ADGRL4: variants seen among roughly 807,000 people sequenced by gnomAD.
ADGRL4 encodes the protein adhesion G protein-coupled receptor L4, also known as EGF, latrophilin and seven transmembrane domain containing 1.
A neutral mutation model predicts 74.8 loss-of-function variants in ADGRL4; 90 were observed. That is an observed-to-expected ratio of 1.20 (90% CI 1.02 to 1.43). ADGRL4 has a LOEUF of 1.43. Among genes scored for constraint, ADGRL4 ranks in the 40% most tolerant of loss-of-function variants. The pLI is 0.00. For missense variants in ADGRL4, 881 were observed against 814.3 expected (o/e 1.08, Z -1.00); for synonymous variants, 311 against 279.2 (o/e 1.11, Z -1.14).
intron 2 of ADGRL4, among the ~76,000 whole-genome samples, chr1:78,956,787 A>G (rs1169080146): frequency 2.0e-5 from 3 of 152,318 alleles, no homozygotes; most frequent in Middle Eastern, 3.4e-3. Context: ...AAGAAAAAGA[A>G]GTCAAAATGG....
Position 78,920,169 on chromosome 1 carries a change from G to A in ADGRL4, c.1461+14C>T, listed in dbSNP as rs1394760305. ...TATCATAGGACAAAAATAGAGATTAGGATGCCTACATACCTTATTAGTATT... is the reference window on the plus strand; with the variant it reads ...TATCATAGGACAAAAATAGAGATTAAGATGCCTACATACCTTATTAGTATT... On this transcript the variant is annotated intron_variant, in intron 10 of 14. Coordinates refer to ENST00000370742, the MANE Select transcript of ADGRL4 (RefSeq NM_022159.4). 6.3e-7 allele frequency: 1 copy of A among 1,588,152 alleles called. No homozygotes were observed. The highest frequency in any genetic ancestry group is 2.3e-5 in the East Asian group (1 of 44,420).
At chr1:78,976,127 G>T (rs1650275400) in intron 2 of ADGRL4, among the ~76,000 whole-genome samples, 1 of 151,886 alleles carries the variant, frequency 6.6e-6, no homozygotes. Context: ...AGTCCCAGAA[G>T]AACAAGGTGA....
chr1:78,955,343 T>C (rs1456859100), intron 2 of ADGRL4, among the ~76,000 whole-genome samples: 1 of 152,130 alleles, frequency 6.6e-6, no homozygotes, highest in Non-Finnish European at 1.5e-5. Context: ...CTCTCACTGA[T>C]ATGACATAAA....
At chr1:78,995,068 C>T (rs994216135) in intron 2 of ADGRL4, among the ~76,000 whole-genome samples, 4 of 152,138 alleles carry the variant, frequency 2.6e-5, no homozygotes, top group Non-Finnish European at 5.9e-5. Flanking sequence ...CCTCCTGTCC[C>T]TTAAATGGAT....
chr1:78,935,459 C>G (rs1485955301), intron 7 of ADGRL4, among the ~76,000 whole-genome samples: 1 of 151,572 alleles, frequency 6.6e-6, no homozygotes, highest in East Asian at 2.0e-4. Flanking sequence ...CTGAGGCAAA[C>G]CACCATGGCT....
intron 7 of ADGRL4, among the ~76,000 whole-genome samples, chr1:78,929,299 T>A (rs888204300): frequency 1.3e-5 from 2 of 151,296 alleles, no homozygotes; most frequent in Non-Finnish European, 2.9e-5. Flanking sequence ...GAGGATCACT[T>A]GAGGCAGGAG....
chr1:78,905,775 T>C (rs1570216316), intron 12 of ADGRL4, among the ~76,000 whole-genome samples: 1 of 152,022 alleles, frequency 6.6e-6, no homozygotes, highest in Non-Finnish European at 1.5e-5. Flanking sequence ...GGGTGAAGGA[T>C]AGACCCTATA....
rs1288608899 is a variant in ADGRL4, at chr1:78,987,595, C to T, written c.172+17475G>A. Among the ~76,000 whole-genome samples, 5 of 151,780 alleles carry T rather than the reference C, an allele frequency of 3.3e-5. 1 individual carries two copies. In the South Asian group the frequency reaches 6.2e-4, roughly 19 times the overall value. On this transcript the variant is annotated intron_variant, in intron 2 of 14. Coordinates refer to ENST00000370742, the MANE Select transcript of ADGRL4 (RefSeq NM_022159.4). Reference sequence around the variant, plus strand: ...GTCTAGTCAGTGCTGATAAGGGATACCATGATGGTTATCTAGCTGGTAGAA... The same window carrying T: ...GTCTAGTCAGTGCTGATAAGGGATATCATGATGGTTATCTAGCTGGTAGAA...
intron 2 of ADGRL4, among the ~76,000 whole-genome samples, chr1:78,976,690 A>G (rs1179445063): frequency 1.3e-5 from 2 of 150,512 alleles, no homozygotes; most frequent in South Asian, 2.1e-4. Flanking sequence ...GACAAAATGG[A>G]CAAATTCCAT....
At chr1:78,976,089 T>G (rs76917603) in intron 2 of ADGRL4, among the ~76,000 whole-genome samples, 1,671 of 152,070 alleles carry the variant, frequency 0.011, 27 homozygotes, top group African/African-American at 0.037. Flanking sequence ...GACTGATGGA[T>G]TCCCTGTGCT....
chr1:78,893,772 A>G (rs1648338444), intron 12 of ADGRL4, among the ~76,000 whole-genome samples: 1 of 151,864 alleles, frequency 6.6e-6, no homozygotes, highest in Non-Finnish European at 1.5e-5. Flanking sequence ...AATGAATTAA[A>G]TGTTTGTTGT....
intron 14 of ADGRL4, 97 bp from the exon 15 acceptor site, chr1:78,891,313 A>G (rs1648268042): frequency 3.0e-6 from 4 of 1,346,934 alleles, no homozygotes; most frequent in South Asian, 1.4e-5. Context: ...ATGGTTTTCT[A>G]AAGTATTATA....
At chr1:78,957,476 T>C (rs1459508851) in intron 2 of ADGRL4, among the ~76,000 whole-genome samples, 1 of 152,186 alleles carries the variant, frequency 6.6e-6, no homozygotes, top group Non-Finnish European at 1.5e-5. Flanking sequence ...AAAGCCTTAT[T>C]GTTGATACGG....
chr1:78,980,092 AT>A (rs370796253), intron 2 of ADGRL4, among the ~76,000 whole-genome samples: 2,265 of 150,896 alleles, frequency 0.015, 58 homozygotes, highest in African/African-American at 0.053. Flanking sequence ...CTCAGGTTTC[AT>A]TTTTTTTTCT....
intron 2 of ADGRL4, among the ~76,000 whole-genome samples, chr1:78,973,590 A>G (rs1052268723): frequency 8.0e-5 from 12 of 149,924 alleles, no homozygotes; most frequent in African/African-American, 2.7e-4. Context: ...ATAAATAAGT[A>G]AATTGGTAAT....
chr1:78,977,381 T>C (rs1650306261), intron 2 of ADGRL4, among the ~76,000 whole-genome samples: 1 of 151,814 alleles, frequency 6.6e-6, no homozygotes. Flanking sequence ...GTATATTAAT[T>C]GTGGTGTTGG....
intron 3 of ADGRL4, among the ~76,000 whole-genome samples, chr1:78,945,988 A>G (rs565566279): frequency 6.6e-5 from 10 of 152,246 alleles, no homozygotes; most frequent in African/African-American, 2.4e-4. Context: ...GTTTGCCACT[A>G]TACTAGATCT....
intron 2 of ADGRL4, among the ~76,000 whole-genome samples, chr1:78,995,278 A>G (rs1453006030): frequency 6.6e-6 from 1 of 152,190 alleles, no homozygotes; most frequent in Non-Finnish European, 1.5e-5. Flanking sequence ...GTAATGCAGG[A>G]GGGGTCTCAG....
intron 2 of ADGRL4, among the ~76,000 whole-genome samples, chr1:78,993,469 T>G (rs910960818): frequency 6.6e-6 from 1 of 152,140 alleles, no homozygotes; most frequent in Non-Finnish European, 1.5e-5. Context: ...GAATGATAAA[T>G]GTGAGACAAG....
Sources: gnomAD v4.1 joint callset for allele counts (sites outside exome capture counted in the v4.1 genomes callset) on GRCh38, gnomAD v4.1.1 for gene constraint, MANE v1.5 for transcripts, NCBI Gene and HGNC (gene_info 2026-07-23, HGNC 2026-07-21) for gene names.